Variants in PFKFB2 observed in about 807,000 individuals in gnomAD.
PFKFB2 encodes 6-phosphofructo-2-kinase/fructose-2,6-biphosphatase 2, also known as 6-phosphofructo-2-kinase/fructose-2,6-bisphosphatase 2.
Under a neutral mutation model 68.0 loss-of-function variants are expected in PFKFB2, and 53 were observed. The observed-to-expected ratio is 0.78, with a 90% CI of 0.63 to 0.98. The LOEUF (loss-of-function observed/expected upper bound fraction) is 0.98, where lower values mean the gene tolerates loss of function less well. PFKFB2 is among the 50% of genes least tolerant of loss of function. The pLI is 0.00. For synonymous variants in PFKFB2, 222 were observed against 227.6 expected, an observed-to-expected ratio of 0.98 and a Z score of 0.22; for missense variants, 451 against 642.0, an observed-to-expected ratio of 0.70 and a Z score of 3.22.
chr1:207,061,153 T>A (rs956199592), intron 2 of PFKFB2, among the ~76,000 whole-genome samples: 18 of 79,106 alleles, frequency 2.3e-4, no homozygotes, highest in East Asian at 5.9e-4. Context: ...TTATATATAT[T>A]TATATATATC....
In PFKFB2 at chr1:207,075,376, A is replaced by G. The variant is rs980232537; in HGVS notation, c.*3005A>G. On this transcript the variant is annotated 3_prime_UTR_variant, in exon 15 of 15. Transcript: ENST00000367080. ...TTAGTTTCTAAAGCAAGATCCCTTC[A>G]GAGAAGTCTAGCAGGAAGAAGCCAG... 3.0e-6 allele frequency: 3 copies of G among 985,490 alleles called. No homozygotes were observed. The highest frequency in any genetic ancestry group is 3.6e-6 in the Non-Finnish European group (3 of 829,936). The allele number at this position is 985,490 out of a possible 1,614,324, so 61.0% of individuals were successfully genotyped here.
Position 207,061,206 on chromosome 1 carries a change from A to G in PFKFB2, c.86-747A>G, listed in dbSNP as rs1327657494. Reference sequence around the variant, plus strand: ...ATATATATATATATATATATATTTTAAGAGACAAGGGTCTCTCTATGTTGC... The same window carrying G: ...ATATATATATATATATATATATTTTGAGAGACAAGGGTCTCTCTATGTTGC... On this transcript the variant is annotated intron_variant, in intron 2 of 14. Coordinates refer to ENST00000367080, the MANE Select transcript of PFKFB2 (RefSeq NM_006212.2). Among the ~76,000 whole-genome samples, 5 of 57,168 alleles carry G rather than the reference A, an allele frequency of 8.7e-5. 1 individual carries two copies. The highest frequency in any genetic ancestry group is 2.8e-4 in the African/African-American group (5 of 18,056). 37.5% of individuals were successfully genotyped at this position (57,168 alleles called of 152,430 possible). A position where few individuals can be genotyped will look rare whatever the true frequency, so the allele number is the denominator to read the frequency against.
chr1:207,063,304 T>A lies in PFKFB2; in HGVS notation c.376-43T>A. ...TTGAGTCTGCCCTGGTGGGGTTCTG[T>A]TTCTCTGTTCCTGCTCATTTACCTT... On this transcript the variant is annotated intron_variant, in intron 5 of 14. Coordinates refer to ENST00000367080, the MANE Select transcript of PFKFB2 (RefSeq NM_006212.2). This position sits in a 1 kb window ranked among gnomAD's most constrained non-coding sequence, Gnocchi z 4.1. The A allele has an allele frequency of 2.5e-6, 4 of 1,592,666 alleles. No homozygotes were observed. Among genetic ancestry groups the A allele is most frequent in the Non-Finnish European group, 3.4e-6 (4 of 1,160,502 alleles).
At chr1:207,054,873 G>T (rs1201404533) in intron 2 of PFKFB2, 71 bp downstream of exon 2, 11 of 1,051,324 alleles carry the variant, frequency 1.0e-5, no homozygotes, top group Non-Finnish European at 1.5e-5. Flanking sequence ...TATAATCCTG[G>T]ACTCTGCTGC....
chr1:207,053,841 A>G (rs895651739), intron 1 of PFKFB2, among the ~76,000 whole-genome samples: 15 of 151,100 alleles, frequency 9.9e-5, no homozygotes, highest in African/African-American at 3.2e-4. Flanking sequence ...CCTTCAGGGA[A>G]TATGTTCGAG....
chr1:207,058,018 A>G (rs1330319036), intron 2 of PFKFB2, among the ~76,000 whole-genome samples: 2 of 152,272 alleles, frequency 1.3e-5, no homozygotes, highest in Non-Finnish European at 2.9e-5. Flanking sequence ...AATGTTCATC[A>G]GTATTACTAA....
intron 1 of PFKFB2, among the ~76,000 whole-genome samples, chr1:207,036,426 C>T (rs574532665): frequency 1.3e-5 from 2 of 152,344 alleles, no homozygotes; most frequent in South Asian, 2.1e-4. Flanking sequence ...ACTATAACTT[C>T]ATGAGTAACA....
At chr1:207,036,546 T>C (rs1245372032) in intron 1 of PFKFB2, among the ~76,000 whole-genome samples, 1 of 152,232 alleles carries the variant, frequency 6.6e-6, no homozygotes, top group Non-Finnish European at 1.5e-5. Context: ...TGTCTACCTC[T>C]CTTTCACTCC....
At chr1:207,058,721 C>G (rs1322331347) in intron 2 of PFKFB2, among the ~76,000 whole-genome samples, 1 of 152,110 alleles carries the variant, frequency 6.6e-6, no homozygotes, top group Non-Finnish European at 1.5e-5. Flanking sequence ...TCTCAAACTC[C>G]TGGGTTCAGG....
intron 2 of PFKFB2, among the ~76,000 whole-genome samples, chr1:207,057,718 T>TA (rs1682972834): frequency 1.3e-5 from 2 of 152,182 alleles, no homozygotes; most frequent in African/African-American, 4.8e-5. Context: ...GTATATCCTA[T>TA]TAATAAAGGT....
rs1683491070 is a variant in PFKFB2 at position 207,072,358 on chromosome 1, A to G, written c.1505A>G (p.Glu502Gly). Residue 502 changes from glutamate (E) to glycine (G), a missense_variant, in exon 15 of 15, where the codon GAA becomes GGA. Transcript: ENST00000367080. The stretch of plus-strand genomic sequence containing the variant: ...CCTCTCCGTGCCCAGGACATGCAAG[A>G]AGGGGCCGACTAGCCGAAGACCCAA... Reference protein sequence around the residue: ...LSPLRAQDMQEGAD With the variant: ...LSPLRAQDMQGGAD 6.2e-7 allele frequency: 1 copy of G among 1,613,160 alleles called. No homozygotes were observed. Among genetic ancestry groups the G allele is most frequent in the African/African-American group, 1.3e-5 (1 of 74,880 alleles).
At chr1:207,046,210 A>G (rs1331134141) in intron 2 of PFKFB2, 2 of 152,022 alleles carry the variant, frequency 1.3e-5, no homozygotes, top group Non-Finnish European at 2.9e-5. Context: ...AAATTCCTCT[A>G]TGGCAGGCAA....
intron 2 of PFKFB2, chr1:207,046,061 A>G (rs1682594456): frequency 6.6e-6 from 1 of 152,092 alleles, no homozygotes; most frequent in Non-Finnish European, 1.5e-5. Flanking sequence ...AAATCACTTT[A>G]TTCAGGAGTG....
At chr1:207,067,257 T>G (rs1683319075) in intron 8 of PFKFB2, among the ~76,000 whole-genome samples, 1 of 152,218 alleles carries the variant, frequency 6.6e-6, no homozygotes, top group Non-Finnish European at 1.5e-5. Context: ...CTACATTACT[T>G]GTCACACTAC....
intron 2 of PFKFB2, among the ~76,000 whole-genome samples, chr1:207,056,066 C>T (rs1682912723): frequency 6.6e-6 from 1 of 152,158 alleles, no homozygotes; most frequent in Non-Finnish European, 1.5e-5. Context: ...TGCTTGTTCT[C>T]TCCATGCCTC....
rs376228365 is a variant in PFKFB2 at position 207,065,499 on chromosome 1, C to T, written c.632+339C>T. ...CTGAGTAGCTGGGACCACAGGTGTG[C>T]GCCACCATGCCCGGCTATTTTTTTT... On this transcript the variant is annotated intron_variant, in intron 8 of 14. Transcript: ENST00000367080. Among the ~76,000 whole-genome samples the T allele has an allele frequency of 3.8e-3, 576 of 151,790 alleles. 5 individuals carry two copies. Among genetic ancestry groups the T allele is most frequent in the African/African-American group, 0.013 (545 of 41,418 alleles).
rs545145702 is a variant in PFKFB2, at chr1:207,057,943, C to G, written c.85+3141C>G. 2.6e-5 allele frequency among the ~76,000 whole-genome samples: 4 copies of G among 152,278 alleles called. No individual in the cohort carries two copies. In the East Asian group the frequency reaches 7.7e-4, roughly 29 times the overall value. On this transcript the variant is annotated intron_variant, in intron 2 of 14. Transcript: ENST00000367080. ...GCTGCAGTGACCATTCTTACACGTACACCTTTGCACATTTGTGACAGCAAC... is the reference window on the plus strand; with the variant it reads ...GCTGCAGTGACCATTCTTACACGTAGACCTTTGCACATTTGTGACAGCAAC...
intron 2 of PFKFB2, chr1:207,061,000 AT>A (rs1683073515): frequency 7.0e-6 from 1 of 142,152 alleles, no homozygotes; most frequent in Non-Finnish European, 1.5e-5. Flanking sequence ...ATATATCTAT[AT>A]CTTAAATATT....
upstream of PFKFB2, chr1:207,049,212 A>G (rs751290883): frequency 1.2e-6 from 2 of 1,614,090 alleles, no homozygotes; most frequent in Non-Finnish European, 1.7e-6. Context: ...TAGAGGAGAA[A>G]ATGGTCAGAG....
Sources: allele counts gnomAD v4.1 joint callset (sites outside exome capture counted in the v4.1 genomes callset), GRCh38; gene constraint gnomAD v4.1.1; non-coding constraint Gnocchi (gnomAD v3.1); transcripts MANE v1.5; gene names NCBI Gene and HGNC (gene_info 2026-07-23, HGNC 2026-07-21).